Variants in BCOR observed in about 807,000 individuals in gnomAD.
BCOR encodes the protein BCL6 corepressor, also known as BCL-6 corepressor.
BCOR carries 10 observed loss-of-function variants against 86.7 expected under a neutral mutation model. The observed-to-expected ratio is 0.12, with a 90% confidence interval of 0.07 to 0.20. The LOEUF (loss-of-function observed/expected upper bound fraction) is 0.20, where lower values mean the gene tolerates loss of function less well. BCOR is among the 10% of genes least tolerant of loss of function. The pLI is 1.00. For missense variants in BCOR, 1,259 were observed against 1,452.1 expected (o/e 0.87, Z 2.16); for synonymous variants, 611 against 609.0 (o/e 1.00, Z -0.05).
At chrX:40,100,026 G>GA (rs1937041877), upstream of BCOR, among the ~76,000 whole-genome samples, 1 of 111,825 alleles carries the variant, frequency 8.9e-6, no homozygotes. Flanking sequence ...GTAACAAGCA[G>GA]AAAGACACCT....
chrX:40,130,129 C>A (rs1245125197), intron 1 of BCOR, among the ~76,000 whole-genome samples: 1 of 112,019 alleles, frequency 8.9e-6, no homozygotes, highest in Admixed American at 9.5e-5. Flanking sequence ...GCCCCAGCAA[C>A]TCCCTATGCA....
chrX:40,173,000 A>T (rs1201358878), intron 1 of BCOR, among the ~76,000 whole-genome samples: 3 of 112,577 alleles, frequency 2.7e-5, no homozygotes, highest in Non-Finnish European at 3.8e-5. Context: ...GCCGCGGAGG[A>T]GCCACAGTAA....
chrX:40,103,080 G>C (rs1418531020), intron 1 of BCOR, among the ~76,000 whole-genome samples: 2 of 104,400 alleles, frequency 1.9e-5, no homozygotes, highest in Admixed American at 9.8e-5. Flanking sequence ...CGCAGCCCCC[G>C]GCCCTGAGTG....
rs998872686 is a variant in BCOR, at chrX:40,116,120, G to A, written c.-40-38151C>T. On this transcript the variant is annotated intron_variant, in intron 1 of 14. Transcript: ENST00000342274. The stretch of plus-strand genomic sequence containing the variant: ...TTCTTCAGCTCCTAGAAGAACAATA[G>A]CTAGAATTTATTAAGGGCTTTCTAT... 2.1e-4 allele frequency among the ~76,000 whole-genome samples: 24 copies of A among 111,784 alleles called. 1 individual carries two copies. The highest frequency in any genetic ancestry group is 8.4e-3 in the Middle Eastern group (2 of 238).
chrX:40,097,737 TGTGA>T lies in BCOR; in HGVS notation c.-567_-564del, dbSNP rs1344060457. On this transcript the variant is annotated 5_prime_UTR_variant, in exon 1 of 15. Transcript: ENST00000378444. ...CTCGGGCTGGGTGTGTGTGAGTGTG[TGTGA>T]GTGTTGGCCAAGTCGTCCCTGCGCG... 9.1e-6 allele frequency among the ~76,000 whole-genome samples: 1 copy of T among 109,459 alleles called. No homozygotes were observed. The highest frequency in any genetic ancestry group is 3.3e-5 in the African/African-American group (1 of 30,058).
chrX:40,173,139 CAG>C (rs1004746729), intron 1 of BCOR, among the ~76,000 whole-genome samples: 6 of 111,967 alleles, frequency 5.4e-5, no homozygotes, highest in Non-Finnish European at 1.1e-4. Flanking sequence ...AACCCCCAAA[CAG>C]ATCACTTTCA....
At chrX:40,064,187 G>A (rs1935061732) in intron 7 of BCOR, 149 bp downstream of exon 7, 1 of 910,483 alleles carries the variant, frequency 1.1e-6, no homozygotes, top group Non-Finnish European at 1.5e-6. Context: ...GAATGGAGAG[G>A]TCCGCTCCAC....
At chrX:40,163,877 A>G (rs1478518934) in intron 1 of BCOR, among the ~76,000 whole-genome samples, 3 of 110,546 alleles carry the variant, frequency 2.7e-5, no homozygotes, top group Non-Finnish European at 3.8e-5. Flanking sequence ...TACAAAAATT[A>G]GCCGAGCATG....
intron 1 of BCOR, among the ~76,000 whole-genome samples, chrX:40,148,901 T>C (rs779378505): frequency 5.4e-5 from 6 of 110,901 alleles, no homozygotes; most frequent in Admixed American, 1.9e-4. Flanking sequence ...TGTTCCATCG[T>C]TGTGTATGTG....
intron 11 of BCOR, among the ~76,000 whole-genome samples, chrX:40,056,163 C>A (rs1025882098): frequency 9.3e-6 from 1 of 107,959 alleles, no homozygotes; most frequent in Non-Finnish European, 1.9e-5. Context: ...AAGTCAAGCC[C>A]AAAATGAAAA....
At chrX:40,076,090 T>G (rs1486138510) in intron 3 of BCOR, among the ~76,000 whole-genome samples, 2 of 112,586 alleles carry the variant, frequency 1.8e-5, no homozygotes, top group Non-Finnish European at 3.8e-5. Context: ...TTCCTCTCCC[T>G]TGTGTCTGAA....
intron 1 of BCOR, among the ~76,000 whole-genome samples, chrX:40,091,131 C>T (rs1936591903): frequency 8.9e-6 from 1 of 112,070 alleles, no homozygotes; most frequent in Non-Finnish European, 1.9e-5. Context: ...CATCCCCCAA[C>T]AGTTCCCCTG....
upstream of BCOR, among the ~76,000 whole-genome samples, chrX:40,099,248 C>A (rs1055247830): frequency 8.9e-6 from 1 of 111,997 alleles, no homozygotes; most frequent in African/African-American, 3.2e-5. Flanking sequence ...GAGGGGGAAG[C>A]GGAGAAGCGA....
In BCOR at chrX:40,074,182, G is replaced by A. The variant is rs750254448; in HGVS notation, c.1164C>T (p.Leu388=). The A allele has an allele frequency of 5.0e-6, 6 of 1,211,137 alleles. No homozygotes were observed. Among genetic ancestry groups the A allele is most frequent in the Admixed American group, 4.3e-5 (2 of 45,980 alleles). ...TVSSEFPAAR[L]SNGKYPKAPE... is the part of the protein sequence containing the mutation. ...GAGCCTTGGGATACTTGCCATTGGA[G>A]AGCCTGGCCGCGGGGAACTCGCTGC... The change falls in exon 4 of 15, where the codon CTC becomes CTT. Residue 388 remains leucine, a synonymous_variant. Coordinates refer to ENST00000378444, the MANE Select transcript of BCOR (RefSeq NM_001123385.2).
At chrX:40,160,667 T>TC (rs1386529351) in intron 1 of BCOR, among the ~76,000 whole-genome samples, 1 of 97,619 alleles carries the variant, frequency 1.0e-5, no homozygotes, top group African/African-American at 3.8e-5. Context: ...TACTTTTTTT[T>TC]TTTTTTTTTT....
upstream of BCOR, among the ~76,000 whole-genome samples, chrX:40,100,755 A>C (rs1479753738): frequency 9.5e-6 from 1 of 105,310 alleles, no homozygotes; most frequent in Non-Finnish European, 1.9e-5. Context: ...TAAAATGAAC[A>C]GGGGTGGTGG....
chrX:40,074,165 G>C lies in BCOR; in HGVS notation c.1181C>G (p.Pro394Arg). 1 of 1,212,308 alleles carries C rather than the reference G, an allele frequency of 8.2e-7. No homozygotes were observed. Among genetic ancestry groups the C allele is most frequent in the Non-Finnish European group, 1.1e-6 (1 of 895,631 alleles). ...ACCTTCGCCCCCTTCCGGAGCCTTG[G>C]GATACTTGCCATTGGAGAGCCTGGC... ...PAARLSNGKY[P>R]KAPEGGEGAQ... Residue 394 changes from proline to arginine, a missense_variant, in exon 4 of 15, where the codon CCC becomes CGC. By Grantham distance (103) the Pro-to-Arg change is moderately radical. Transcript: ENST00000378444.
At chrX:40,156,319 G>C (rs1196423354) in intron 1 of BCOR, among the ~76,000 whole-genome samples, 5 of 111,893 alleles carry the variant, frequency 4.5e-5, no homozygotes, top group Non-Finnish European at 9.4e-5. Context: ...TGGCGAGCCG[G>C]GGTCAGGAGC....
chrX:40,057,275 T>C lies in BCOR; in HGVS notation c.4475A>G (p.His1492Arg), dbSNP rs1240251166. Residue 1492 changes from histidine to arginine, a missense_variant, in exon 11 of 15, where the codon CAT (histidine) becomes CGT (arginine). Coordinates refer to ENST00000378444, the MANE Select transcript of BCOR (RefSeq NM_001123385.2). ...CLENKICDVN[H>R]RDNAGYCALH... Reference sequence around the variant, plus strand: ...GGCGCAGTAACCTGCGTTGTCCCGATGATTTACATCACAAATCTTGTTCTC... The same window carrying C: ...GGCGCAGTAACCTGCGTTGTCCCGACGATTTACATCACAAATCTTGTTCTC... 5.0e-6 allele frequency: 6 copies of C among 1,210,745 alleles called. No individual in the cohort carries two copies. Among genetic ancestry groups the C allele is most frequent in the African/African-American group, 1.7e-5 (1 of 57,428 alleles).
Sources: gnomAD v4.1 joint callset for allele counts (sites outside exome capture counted in the v4.1 genomes callset) on GRCh38, gnomAD v4.1.1 for gene constraint, MANE v1.5 for transcripts, NCBI Gene and HGNC (gene_info 2026-07-23, HGNC 2026-07-21) for gene names.